CRADD: variants seen among roughly 807,000 people sequenced by gnomAD.
The protein encoded by CRADD is death domain-containing protein CRADD.
CRADD carries 9 observed loss-of-function variants against 15.5 expected under a neutral mutation model. The observed-to-expected ratio is 0.58, with a 90% CI of 0.35 to 1.01. The LOEUF (loss-of-function observed/expected upper bound fraction) is 1.01. CRADD is among the 50% of genes least tolerant of loss of function. The pLI is 0.02. For missense variants in CRADD, 227 were observed against 250.3 expected, an observed-to-expected ratio of 0.91 and a Z score of 0.63; for synonymous variants, 118 against 107.6, an observed-to-expected ratio of 1.10 and a Z score of -0.60.
At chr12:93,763,380 A>T (rs1289624081) in intron 2 of CRADD, among the ~76,000 whole-genome samples, 3 of 151,848 alleles carry the variant, frequency 2.0e-5, no homozygotes, top group African/African-American at 7.3e-5. Context: ...ATTAAAAAAA[A>T]ATCTGCTCAA....
chr12:93,863,596 TTGTGTGTGTG>T (rs1157061528), intron 2 of CRADD, among the ~76,000 whole-genome samples: 1,817 of 124,838 alleles, frequency 0.015, 42 homozygotes, highest in Middle Eastern at 0.052. Context: ...GTGGAGGCAT[TTGTGTGTGTG>T]TGTGTGTGTG....
chr12:93,761,017 G>A (rs1265646801), intron 2 of CRADD, among the ~76,000 whole-genome samples: 1 of 152,076 alleles, frequency 6.6e-6, no homozygotes, highest in Non-Finnish European at 1.5e-5. Context: ...GCTGAGGTAG[G>A]AGTCTAGCGA....
downstream of CRADD, among the ~76,000 whole-genome samples, chr12:93,851,815 C>A (rs1251125167): frequency 6.6e-6 from 1 of 152,108 alleles, no homozygotes; most frequent in East Asian, 1.9e-4. Context: ...AGAAAAAAAT[C>A]ATGTTTTTTA....
intron 2 of CRADD, among the ~76,000 whole-genome samples, chr12:93,788,633 A>G (rs1957309961): frequency 6.6e-6 from 1 of 152,152 alleles, no homozygotes; most frequent in African/African-American, 2.4e-5. Flanking sequence ...GGTGTGAGGT[A>G]GTTGTTGTCT....
chr12:93,876,555 C>T (rs576907996), intron 2 of CRADD, among the ~76,000 whole-genome samples: 2 of 152,178 alleles, frequency 1.3e-5, no homozygotes, highest in South Asian at 4.1e-4. Flanking sequence ...AATAGCCTGT[C>T]TTCAGCCTCA....
chr12:93,710,744 G>A (rs893799006), intron 2 of CRADD, among the ~76,000 whole-genome samples: 12 of 152,124 alleles, frequency 7.9e-5, no homozygotes, highest in African/African-American at 1.9e-4. Flanking sequence ...AAATTCAAAG[G>A]GAGGGGAAGT....
intron 2 of CRADD, among the ~76,000 whole-genome samples, chr12:93,805,195 T>G (rs915158544): frequency 1.8e-4 from 27 of 152,082 alleles, no homozygotes; most frequent in African/African-American, 6.3e-4. Context: ...ACATATCCAT[T>G]GAGGTTTCTC....
intron 2 of CRADD, among the ~76,000 whole-genome samples, chr12:93,793,355 G>A (rs1957373306): frequency 6.6e-6 from 1 of 152,100 alleles, no homozygotes; most frequent in Non-Finnish European, 1.5e-5. Flanking sequence ...GAAAACAAAA[G>A]GTGAACTTGG....
intron 2 of CRADD, among the ~76,000 whole-genome samples, chr12:93,699,733 G>C (rs1382535399): frequency 6.6e-6 from 1 of 152,176 alleles, no homozygotes; most frequent in African/African-American, 2.4e-5. Context: ...TTGTTTAGAA[G>C]TGTAGCCTGT....
chr12:93,854,530 G>A (rs1958255526), downstream of CRADD, among the ~76,000 whole-genome samples: 1 of 152,242 alleles, frequency 6.6e-6, no homozygotes, highest in Admixed American at 6.5e-5. Context: ...CATGGAGAGA[G>A]GAGCGGAATA....
At chr12:93,883,897 T>C (rs552603646) in intron 2 of CRADD, among the ~76,000 whole-genome samples, 20 of 152,134 alleles carry the variant, frequency 1.3e-4, no homozygotes, top group African/African-American at 4.8e-4. Context: ...ATAAAGACAA[T>C]GAAGGGTACG....
At chr12:93,689,098 T>A (rs11107153) in intron 2 of CRADD, among the ~76,000 whole-genome samples, 3 of 151,928 alleles carry the variant, frequency 2.0e-5, no homozygotes, top group African/African-American at 7.3e-5. Context: ...ACTTGCTACT[T>A]TGAGAGTAAA....
intron 2 of CRADD, among the ~76,000 whole-genome samples, chr12:93,689,470 T>C (rs1005779446): frequency 3.9e-5 from 6 of 152,082 alleles, no homozygotes; most frequent in African/African-American, 1.4e-4. Context: ...GAAAAAAAGG[T>C]ATGTTGTGTT....
chr12:93,705,197 A>G (rs1161217447), intron 2 of CRADD, among the ~76,000 whole-genome samples: 2 of 152,226 alleles, frequency 1.3e-5, no homozygotes, highest in Admixed American at 6.5e-5. Context: ...TGTCCCATCA[A>G]TAATTATGTG....
chr12:93,743,885 T>C (rs1325534511), intron 2 of CRADD, among the ~76,000 whole-genome samples: 2 of 152,216 alleles, frequency 1.3e-5, no homozygotes, highest in East Asian at 3.8e-4. Context: ...TTCACACTTA[T>C]ATCCTGTTCT....
intron 2 of CRADD, among the ~76,000 whole-genome samples, chr12:93,733,104 T>A (rs1956496244): frequency 1.3e-5 from 2 of 152,246 alleles, no homozygotes; most frequent in Admixed American, 6.5e-5. Flanking sequence ...TCAAACTCTA[T>A]GCCTGGAGGA....
intron 2 of CRADD, among the ~76,000 whole-genome samples, chr12:93,819,033 T>C (rs920455435): frequency 6.6e-6 from 1 of 152,218 alleles, no homozygotes; most frequent in African/African-American, 2.4e-5. Context: ...GGCCAGTATT[T>C]TACAAAATAA....
At chr12:93,791,619 G>A (rs1241190302) in intron 2 of CRADD, among the ~76,000 whole-genome samples, 1 of 152,112 alleles carries the variant, frequency 6.6e-6, no homozygotes, top group Admixed American at 6.6e-5. Context: ...CATGGCAACT[G>A]TAGTAGTTAA....
chr12:93,678,958 C>A lies in CRADD; in HGVS notation c.184C>A (p.Pro62Thr), dbSNP rs1254663679. The A allele has an allele frequency of 1.2e-6, 2 of 1,613,972 alleles. No individual in the cohort carries two copies. Among genetic ancestry groups the A allele is most frequent in the Non-Finnish European group, 1.7e-6 (2 of 1,179,858 alleles). Residue 62 changes from proline to threonine, a missense_variant, in exon 2 of 3, where the codon CCT becomes ACT. By Grantham distance (38) the Pro-to-Thr change is conservative. Coordinates refer to ENST00000332896, the MANE Select transcript of CRADD (RefSeq NM_003805.5). The stretch of plus-strand genomic sequence containing the variant: ...AACAATGCTCCTGCTGGATATCCTA[C>A]CTTCCAGGGGCCCTAAAGCATTTGA... The part of the protein sequence containing the change: ...RKTMLLLDIL[P>T]SRGPKAFDTF...
Sources: allele counts gnomAD v4.1 joint callset (sites outside exome capture counted in the v4.1 genomes callset), GRCh38; gene constraint gnomAD v4.1.1; transcripts MANE v1.5; gene names NCBI Gene and HGNC (gene_info 2026-07-23, HGNC 2026-07-21).